ADGRL2: variants seen among roughly 807,000 people sequenced by gnomAD.
ADGRL2 encodes the protein calcium-independent alpha-latrotoxin receptor 2.
A neutral mutation model predicts 157.4 loss-of-function variants in ADGRL2; 44 were observed. The ratio of observed to expected loss-of-function variants is 0.28; its 90% CI spans 0.22 to 0.36. The LOEUF (loss-of-function observed/expected upper bound fraction) is 0.36. ADGRL2 is among the 10% of genes least tolerant of loss of function. The probability of loss-of-function intolerance (pLI) is 1.00; values close to 1 mark genes in which losing one functional copy is unlikely to be tolerated. For synonymous variants in ADGRL2, 585 were observed against 624.7 expected (o/e 0.94, Z 0.95); for missense variants, 1,510 against 1,768.9 (o/e 0.85, Z 2.63).
intron 3 of ADGRL2, among the ~76,000 whole-genome samples, chr1:81,610,518 A>G (rs563644070): frequency 3.2e-4 from 48 of 152,172 alleles, no homozygotes; most frequent in Non-Finnish European, 5.6e-4. Flanking sequence ...ACTGAAGGCC[A>G]TGTTAAGAAA....
chr1:81,380,502 A>T (rs2076326147), intron 1 of ADGRL2, among the ~76,000 whole-genome samples: 1 of 152,176 alleles, frequency 6.6e-6, no homozygotes, highest in South Asian at 2.1e-4. Flanking sequence ...TTGATTTGTT[A>T]AAATTTTATT....
intron 1 of ADGRL2, among the ~76,000 whole-genome samples, chr1:81,340,521 T>G (rs564401931): frequency 1.1e-4 from 17 of 152,238 alleles, no homozygotes; most frequent in Admixed American, 4.6e-4. Flanking sequence ...AATTGCAGTG[T>G]CAAAGGAAAT....
intron 1 of ADGRL2, among the ~76,000 whole-genome samples, chr1:81,406,485 G>A (rs190245386): frequency 1.4e-4 from 21 of 152,236 alleles, no homozygotes; most frequent in Non-Finnish European, 1.3e-4. Context: ...GTTCCCAGGA[G>A]ATTTCTCAAC....
chr1:81,527,530 G>A (rs1371273157), intron 2 of ADGRL2, among the ~76,000 whole-genome samples: 5 of 152,154 alleles, frequency 3.3e-5, no homozygotes, highest in African/African-American at 1.2e-4. Context: ...TGGCCAACAT[G>A]GAGAAACCCT....
chr1:81,487,899 A>G (rs1466382470), intron 2 of ADGRL2, among the ~76,000 whole-genome samples: 1 of 152,198 alleles, frequency 6.6e-6, no homozygotes, highest in Admixed American at 6.5e-5. Context: ...TTTCTTAGAT[A>G]CACATAGTAA....
At chr1:81,563,881 C>A (rs553666656) in intron 2 of ADGRL2, among the ~76,000 whole-genome samples, 2 of 152,254 alleles carry the variant, frequency 1.3e-5, no homozygotes, top group South Asian at 4.1e-4. Flanking sequence ...TTTCTAAGTG[C>A]CTACTAGGTA....
intron 2 of ADGRL2, among the ~76,000 whole-genome samples, chr1:81,545,065 C>T (rs762241263): frequency 1.3e-5 from 2 of 152,148 alleles, no homozygotes; most frequent in Non-Finnish European, 2.9e-5. Context: ...TCTTCTTACA[C>T]ACTCTGACCA....
intron 1 of ADGRL2, among the ~76,000 whole-genome samples, chr1:81,825,498 G>A (rs942604734): frequency 2.6e-5 from 4 of 151,574 alleles, no homozygotes; most frequent in East Asian, 2.0e-4. Context: ...GCAGGCATAC[G>A]CCACCATGCC....
At chr1:81,327,964 G>C (rs557680942) in intron 1 of ADGRL2, among the ~76,000 whole-genome samples, 33 of 152,222 alleles carry the variant, frequency 2.2e-4, no homozygotes, top group African/African-American at 7.9e-4. Flanking sequence ...GCCCCCAGCT[G>C]ACCCTGCACC....
intron 2 of ADGRL2, among the ~76,000 whole-genome samples, chr1:81,471,610 A>T (rs76344022): frequency 0.023 from 3,577 of 152,300 alleles, 128 homozygotes; most frequent in African/African-American, 0.082. Flanking sequence ...GAAATGCTTC[A>T]CCTCATCCAG....
At chr1:81,778,773 G>C (rs903834664) in intron 2 of ADGRL2, among the ~76,000 whole-genome samples, 1 of 152,122 alleles carries the variant, frequency 6.6e-6, no homozygotes, top group East Asian at 1.9e-4. Context: ...TAGCGGTCAA[G>C]AGACGTTTTG....
chr1:81,586,287 G>A (rs963759703), intron 3 of ADGRL2: 1 of 151,816 alleles, frequency 6.6e-6, no homozygotes, highest in African/African-American at 2.4e-5. Context: ...GGGGATAATC[G>A]GGCCAATTCT....
At chr1:81,696,955 G>T (rs986823990), upstream of ADGRL2, among the ~76,000 whole-genome samples, 24 of 152,104 alleles carry the variant, frequency 1.6e-4, no homozygotes, top group Non-Finnish European at 3.2e-4. Flanking sequence ...TCAGCATGGG[G>T]TCGCTAAGAA....
chr1:81,581,851 C>T (rs992418091), intron 3 of ADGRL2, among the ~76,000 whole-genome samples: 6 of 144,212 alleles, frequency 4.2e-5, no homozygotes, highest in African/African-American at 1.5e-4. Flanking sequence ...GGTATTTAAC[C>T]TCCCACCACC....
At chr1:81,960,071 A>T (rs1349219399) in intron 11 of ADGRL2, among the ~76,000 whole-genome samples, 2 of 152,186 alleles carry the variant, frequency 1.3e-5, no homozygotes, top group African/African-American at 4.8e-5. Context: ...AAGCGCTGGG[A>T]TTACAGGCAT....
rs1030063377 is a variant in ADGRL2 at position 81,930,971 on chromosome 1, GA to G, written c.288-5749del. The stretch of plus-strand genomic sequence containing the variant: ...ACATGATGAGACCTCGTCTCTACTG[GA>G]AAAAAAATAAAAATAAAAAAATAAA... On this transcript the variant is annotated intron_variant, in intron 3 of 23. Transcript: ENST00000686636. Among the ~76,000 whole-genome samples, 10 of 151,486 alleles carry G rather than the reference GA, an allele frequency of 6.6e-5. No individual in the cohort carries two copies. In the South Asian group the frequency reaches 1.9e-3, roughly 28 times the overall value.
intron 2 of ADGRL2, among the ~76,000 whole-genome samples, chr1:81,452,574 T>C (rs6672091): frequency 1.4e-4 from 22 of 152,332 alleles, no homozygotes; most frequent in African/African-American, 5.3e-4. Flanking sequence ...AAAACTTTCA[T>C]AGCTTCAGTA....
intron 2 of ADGRL2, among the ~76,000 whole-genome samples, chr1:81,881,169 A>G (rs1456136539): frequency 2.0e-5 from 3 of 152,066 alleles, no homozygotes; most frequent in African/African-American, 2.4e-5. Context: ...TTCACTGAGT[A>G]CTTCAAATAT....
chr1:81,381,608 C>A (rs2076346248), intron 1 of ADGRL2, among the ~76,000 whole-genome samples: 2 of 152,026 alleles, frequency 1.3e-5, no homozygotes, highest in African/African-American at 4.8e-5. Context: ...CCTTCTTTTT[C>A]TTTCAGTATT....
Sources: allele counts gnomAD v4.1 joint callset (sites outside exome capture counted in the v4.1 genomes callset), GRCh38; gene constraint gnomAD v4.1.1; transcripts MANE v1.5; gene names NCBI Gene and HGNC (gene_info 2026-07-23, HGNC 2026-07-21).